RUNX1: variants seen among roughly 807,000 people sequenced by gnomAD.
The protein encoded by RUNX1 is runt-related transcription factor 1.
A neutral mutation model predicts 42.8 loss-of-function variants in RUNX1; 19 were observed. The observed-to-expected ratio is 0.44, with a 90% confidence interval of 0.31 to 0.65. The LOEUF is 0.65. RUNX1 is among the 30% of genes least tolerant of loss of function. The pLI, the probability that RUNX1 is intolerant of heterozygous loss-of-function variation, is 0.07. For missense variants in RUNX1, 528 were observed against 672.0 expected (o/e 0.79, Z 2.37); for synonymous variants, 271 against 289.4 (o/e 0.94, Z 0.64).
chr21:34,993,575 G>A (rs892706483), intron 2 of RUNX1, among the ~76,000 whole-genome samples: 42 of 28,242 alleles, frequency 1.5e-3, no homozygotes, highest in South Asian at 3.3e-3. Context: ...ACACACACAG[G>A]CACACACACA....
At chr21:34,998,376 C>T (rs1479133600) in intron 2 of RUNX1, among the ~76,000 whole-genome samples, 1 of 151,990 alleles carries the variant, frequency 6.6e-6, no homozygotes, top group African/African-American at 2.4e-5. Flanking sequence ...GAGATAACAG[C>T]GACAGTTCCT....
intron 2 of RUNX1, among the ~76,000 whole-genome samples, chr21:34,942,111 T>G (rs2058531707): frequency 2.6e-5 from 4 of 152,110 alleles, no homozygotes. Flanking sequence ...TACCAGAGAT[T>G]TTATGGTAAT....
intron 2 of RUNX1, among the ~76,000 whole-genome samples, chr21:34,930,601 G>A (rs1330959932): frequency 2.0e-5 from 3 of 151,816 alleles, no homozygotes; most frequent in East Asian, 1.9e-4. Flanking sequence ...TTACATAATC[G>A]TGGAAATTTC....
In RUNX1 at chr21:34,792,303, C is replaced by CGGGGGGG; in HGVS notation, c.1274_1275insCCCCCCC (p.Arg427ProfsTer175). On this transcript the variant is annotated frameshift_variant, in exon 9 of 9. Coordinates refer to ENST00000675419, the MANE Select transcript of RUNX1 (RefSeq NM_001754.5). LOFTEE classifies it high-confidence loss of function. This position sits in a 1 kb window ranked among gnomAD's most constrained non-coding sequence, Gnocchi z 6.9. ...TGGTGCAGGGCGGCAGGATGCGCGG[C>CGGGGGGG]GGCGAGCGCTCGCCGCCCACCATGG... 1.4e-5 allele frequency: 21 copies of CGGGGGGG among 1,536,020 alleles called. No homozygotes were observed. The highest frequency in any genetic ancestry group is 1.7e-4 in the Middle Eastern group (1 of 5,870).
intron 2 of RUNX1, among the ~76,000 whole-genome samples, chr21:35,023,014 G>A (rs374681069): frequency 8.6e-5 from 13 of 150,926 alleles, no homozygotes; most frequent in Admixed American, 7.3e-4. Flanking sequence ...GCATGATTAC[G>A]GCTCACTGCA....
At chr21:34,887,241 G>T (rs2058009255) in intron 3 of RUNX1, 145 bp from the exon 4 acceptor site, 3 of 968,464 alleles carry the variant, frequency 3.1e-6, no homozygotes, top group South Asian at 3.0e-5. Flanking sequence ...ACTGCGGGGG[G>T]TGGGGGGGGG....
chr21:34,996,312 G>A (rs1481475815), intron 2 of RUNX1, among the ~76,000 whole-genome samples: 1 of 152,112 alleles, frequency 6.6e-6, no homozygotes, highest in East Asian at 1.9e-4. Context: ...AGGGCTAAAT[G>A]GAGGGAAAAG....
At chr21:34,801,502 C>G (rs1322978527) in intron 7 of RUNX1, among the ~76,000 whole-genome samples, 1 of 152,158 alleles carries the variant, frequency 6.6e-6, no homozygotes. Context: ...TGATTAAAGT[C>G]CAAGTTCTAT....
intron 2 of RUNX1, among the ~76,000 whole-genome samples, chr21:35,009,325 G>A (rs906795612): frequency 1.3e-5 from 2 of 152,124 alleles, no homozygotes; most frequent in African/African-American, 4.8e-5. Flanking sequence ...AATCCTGCCC[G>A]ATGTCTTCTC....
chr21:34,973,503 T>A (rs1365461553), intron 2 of RUNX1, among the ~76,000 whole-genome samples: 1 of 152,206 alleles, frequency 6.6e-6, no homozygotes, highest in African/African-American at 2.4e-5. Context: ...AAGAGGCCAT[T>A]TATTTTCTCT....
At chr21:34,811,274 G>A (rs914210997) in intron 7 of RUNX1, among the ~76,000 whole-genome samples, 6 of 152,182 alleles carry the variant, frequency 3.9e-5, no homozygotes, top group African/African-American at 7.2e-5. Flanking sequence ...TTCAATAAAC[G>A]CGAGTGAAAT....
At chr21:34,914,454 T>C (rs1001755998) in intron 2 of RUNX1, among the ~76,000 whole-genome samples, 18 of 152,152 alleles carry the variant, frequency 1.2e-4, no homozygotes, top group African/African-American at 2.4e-4. Flanking sequence ...GAAGTCACCA[T>C]GTATATTTCA....
At chr21:35,002,708 G>A (rs1417519768) in intron 2 of RUNX1, among the ~76,000 whole-genome samples, 1 of 152,046 alleles carries the variant, frequency 6.6e-6, no homozygotes, top group African/African-American at 2.4e-5. Context: ...GATTACAGGC[G>A]TGAGCCACTG....
chr21:35,010,749 A>T (rs939641446), intron 2 of RUNX1, among the ~76,000 whole-genome samples: 5 of 152,192 alleles, frequency 3.3e-5, no homozygotes, highest in African/African-American at 7.2e-5. Flanking sequence ...TTTTACATAA[A>T]CACACTCGTT....
intron 2 of RUNX1, among the ~76,000 whole-genome samples, chr21:35,006,447 T>TAGAG (rs1471184471): frequency 6.6e-6 from 1 of 152,120 alleles, no homozygotes; most frequent in African/African-American, 2.4e-5. Flanking sequence ...ACCCTTCCTC[T>TAGAG]AGCAGACATA....
intron 7 of RUNX1, among the ~76,000 whole-genome samples, chr21:34,825,705 T>C (rs1418249526): frequency 8.5e-5 from 13 of 152,198 alleles, no homozygotes; most frequent in Admixed American, 7.2e-4. Context: ...TCCAGAACCA[T>C]TTCCTCACCC....
At chr21:34,885,078 A>G (rs2057960655) in intron 4 of RUNX1, among the ~76,000 whole-genome samples, 1 of 152,228 alleles carries the variant, frequency 6.6e-6, no homozygotes, top group Non-Finnish European at 1.5e-5. Flanking sequence ...CAATTCCTGA[A>G]GATTATTTAT....
At position 34,867,363 on chromosome 21, in the gene RUNX1, C is replaced by T. The variant is rs1157104320; in HGVS notation, c.509-7785G>A. ...GCTGAGGCACAAGAATCACTTGAAC[C>T]CAGGAGGCGGAGGTTGCAGTGAGCC... On this transcript the variant is annotated intron_variant, in intron 5 of 8. Coordinates refer to ENST00000675419, the MANE Select transcript of RUNX1 (RefSeq NM_001754.5). 2.0e-5 allele frequency among the ~76,000 whole-genome samples: 3 copies of T among 152,166 alleles called. No homozygotes were observed. The East Asian group carries it at 5.8e-4, about 29-fold the overall frequency.
At chr21:34,974,069 C>A (rs1433751633) in intron 2 of RUNX1, among the ~76,000 whole-genome samples, 3 of 152,168 alleles carry the variant, frequency 2.0e-5, no homozygotes, top group African/African-American at 7.2e-5. Flanking sequence ...GCTCCTCCCA[C>A]CCCTTCATAA....
Sources: gnomAD v4.1 joint callset for allele counts (sites outside exome capture counted in the v4.1 genomes callset) on GRCh38, gnomAD v4.1.1 for gene constraint, Gnocchi (gnomAD v3.1) non-coding constraint, MANE v1.5 for transcripts, NCBI Gene and HGNC (gene_info 2026-07-23, HGNC 2026-07-21) for gene names.